The following GPHN variants were observed in gnomAD, a reference collection of about 807,000 sequenced individuals.
The protein encoded by GPHN is gephyrin.
GPHN carries 17 observed loss-of-function variants against 95.5 expected under a neutral mutation model. That is an observed-to-expected ratio of 0.18 (90% CI 0.12 to 0.27). GPHN has a LOEUF of 0.27. Ranked by LOEUF, GPHN falls within the 10% of genes least tolerant of loss-of-function variation. The pLI, the probability that GPHN is intolerant of heterozygous loss-of-function variation, is 1.00. For missense variants in GPHN, 660 were observed against 978.1 expected, an observed-to-expected ratio of 0.67 and a Z score of 4.34; for synonymous variants, 320 against 322.5, an observed-to-expected ratio of 0.99 and a Z score of 0.08.
chr14:67,464,990 G>A, the GPHN span, among the ~76,000 whole-genome samples: 1 of 152,200 alleles, frequency 6.6e-6, no homozygotes, highest in Non-Finnish European at 1.5e-5. Context: ...TTCCACTGAA[G>A]TCATCCTACA....
the GPHN span, among the ~76,000 whole-genome samples, chr14:67,507,525 T>G: frequency 6.6e-6 from 1 of 151,948 alleles, no homozygotes; most frequent in Non-Finnish European, 1.5e-5. Context: ...CACAGCTCAT[T>G]GCAGCCTCGA....
the GPHN span, chr14:67,347,410 G>A: frequency 1.2e-6 from 2 of 1,603,382 alleles, no homozygotes; most frequent in East Asian, 2.2e-5. Context: ...CACACTTACT[G>A]TCAGTTCCTT....
the GPHN span, chr14:67,557,172 G>A: frequency 4.5e-4 from 433 of 970,426 alleles, 3 homozygotes; most frequent in African/African-American, 5.6e-3. Flanking sequence ...GGGAGTCACA[G>A]CCTGGGGCAT....
At chr14:66,678,361 G>A (rs570875359) in intron 1 of GPHN, among the ~76,000 whole-genome samples, 105 of 150,930 alleles carry the variant, frequency 7.0e-4, no homozygotes, top group Non-Finnish European at 1.3e-3. Context: ...TGATCTAGTC[G>A]ATTGTTGAAG....
intron 2 of GPHN, among the ~76,000 whole-genome samples, chr14:66,769,129 T>C (rs2059069461): frequency 6.6e-6 from 1 of 151,888 alleles, no homozygotes; most frequent in South Asian, 2.1e-4. Context: ...TATGATTCTG[T>C]CTCAAGACAG....
At chr14:67,561,520 C>T in the GPHN span, among the ~76,000 whole-genome samples, 6 of 151,984 alleles carry the variant, frequency 3.9e-5, no homozygotes, top group East Asian at 9.6e-4. Flanking sequence ...GCCAAGATTG[C>T]ACCACTGCAC....
intron 2 of GPHN, among the ~76,000 whole-genome samples, chr14:66,763,222 CT>C (rs34959102): frequency 0.18 from 26,392 of 144,090 alleles, 2,539 homozygotes; most frequent in Non-Finnish European, 0.24. Context: ...TTTTTTTAAT[CT>C]TTTTTTTTTT....
the GPHN span, among the ~76,000 whole-genome samples, chr14:67,662,227 A>C: frequency 6.6e-6 from 1 of 152,140 alleles, no homozygotes; most frequent in Non-Finnish European, 1.5e-5. Context: ...TAAAAGTATG[A>C]GAATGCCCTT....
chr14:67,200,296 G>A, the GPHN span: 4 of 689,370 alleles, frequency 5.8e-6, no homozygotes, highest in Non-Finnish European at 1.0e-5. Flanking sequence ...GTTGCCCCTC[G>A]AGGCCCGCTT....
At chr14:66,678,280 T>A (rs1566804446) in intron 1 of GPHN, among the ~76,000 whole-genome samples, 1 of 151,754 alleles carries the variant, frequency 6.6e-6, no homozygotes, top group Non-Finnish European at 1.5e-5. Flanking sequence ...CATTCTTTTT[T>A]AAATTTTTTT....
chr14:66,812,647 T>C (rs890242370), intron 3 of GPHN, among the ~76,000 whole-genome samples: 5 of 152,216 alleles, frequency 3.3e-5, no homozygotes, highest in Admixed American at 1.3e-4. Context: ...GAAAAGTGTT[T>C]TCAGGGTATC....
intron 9 of GPHN, among the ~76,000 whole-genome samples, chr14:66,968,080 T>A (rs1567162819): frequency 6.6e-6 from 1 of 151,958 alleles, no homozygotes; most frequent in Non-Finnish European, 1.5e-5. Context: ...CTTTCCCCAC[T>A]GAGTCAAATA....
the GPHN span, among the ~76,000 whole-genome samples, chr14:67,250,244 A>G: frequency 2.6e-5 from 4 of 152,162 alleles, no homozygotes; most frequent in African/African-American, 9.7e-5. Flanking sequence ...AATAAGTTTT[A>G]GTTCTTAAAA....
the GPHN span, chr14:67,651,019 C>A: frequency 8.1e-7 from 1 of 1,228,380 alleles, no homozygotes. Flanking sequence ...GTCAATACTG[C>A]CTTAATGAGA....
intron 17 of GPHN, among the ~76,000 whole-genome samples, chr14:67,131,924 T>G (rs1158296296): frequency 1.3e-5 from 2 of 152,174 alleles, no homozygotes; most frequent in African/African-American, 2.4e-5. Context: ...AACTTGGACC[T>G]TCTAGCCTTT....
At chr14:67,273,453 C>T in the GPHN span, among the ~76,000 whole-genome samples, 1 of 152,314 alleles carries the variant, frequency 6.6e-6, no homozygotes, top group South Asian at 2.1e-4. Context: ...GACATGAACT[C>T]ATCCTTTTTT....
At chr14:67,379,876 G>A in the GPHN span, among the ~76,000 whole-genome samples, 1 of 151,530 alleles carries the variant, frequency 6.6e-6, no homozygotes, top group African/African-American at 2.4e-5. Flanking sequence ...GGATGGTCTC[G>A]ATCTCCTGAC....
At chr14:66,854,433 C>T (rs146386536) in intron 4 of GPHN, among the ~76,000 whole-genome samples, 1 of 152,266 alleles carries the variant, frequency 6.6e-6, no homozygotes, top group African/African-American at 2.4e-5. Context: ...TGAGAAGATC[C>T]ATAAATGGGG....
At chr14:66,851,669 GA>G (rs1460861294) in intron 4 of GPHN, among the ~76,000 whole-genome samples, 4 of 152,124 alleles carry the variant, frequency 2.6e-5, no homozygotes, top group African/African-American at 9.7e-5. Flanking sequence ...AGAGAGCTGG[GA>G]AAAGTAGGTA....
Sources: allele counts gnomAD v4.1 joint callset (sites outside exome capture counted in the v4.1 genomes callset), GRCh38; gene constraint gnomAD v4.1.1; transcripts MANE v1.5; gene names NCBI Gene and HGNC (gene_info 2026-07-23, HGNC 2026-07-21).